Variants in MTR observed in about 807,000 individuals in gnomAD.
MTR encodes the protein 5-methyltetrahydrofolate-homocysteine methyltransferase, also known as methionine synthase.
A neutral mutation model predicts 154.8 loss-of-function variants in MTR; 84 were observed. The observed-to-expected ratio is 0.54, with a 90% CI of 0.45 to 0.65. MTR has a LOEUF of 0.65. Among genes scored for constraint, MTR ranks in the 30% least tolerant of loss-of-function variants. The pLI, the probability that MTR is intolerant of heterozygous loss-of-function variation, is 0.00. For synonymous variants in MTR, 554 were observed against 553.9 expected (o/e 1.00, Z 0.00); for missense variants, 1,275 against 1,570.2 (o/e 0.81, Z 3.18).
chr1:236,810,834 T>C (rs1661261672), intron 5 of MTR, among the ~76,000 whole-genome samples: 1 of 152,206 alleles, frequency 6.6e-6, no homozygotes, highest in South Asian at 2.1e-4. Flanking sequence ...GTGTTAATGC[T>C]GCTTTGTCAG....
At position 236,862,339 on chromosome 1, in the gene MTR, A is replaced by C; in HGVS notation, c.2300A>C (p.Glu767Ala). The change falls in exon 21 of 33, where the codon GAA becomes GCA. Residue 767 changes from glutamate (E) to alanine (A), a missense_variant. Coordinates refer to ENST00000366577, the MANE Select transcript of MTR (RefSeq NM_000254.3). ...AGAGTGCTTAACGGCACAGTAGAAG[A>C]AGAGGCAAGTCATTTTGTTCAGGCC... ...ETRVLNGTVE[E>A]EDPYQGTIVL... The C allele has an allele frequency of 1.9e-6, 3 of 1,612,544 alleles. No homozygotes were observed. The highest frequency in any genetic ancestry group is 8.5e-7 in the Non-Finnish European group (1 of 1,178,614).
chr1:236,893,266 A>G (rs1666432097), intron 29 of MTR, among the ~76,000 whole-genome samples: 1 of 152,180 alleles, frequency 6.6e-6, no homozygotes, highest in South Asian at 2.1e-4. Context: ...TGCCATTACC[A>G]AACACCTCCT....
intron 8 of MTR, among the ~76,000 whole-genome samples, chr1:236,817,363 C>T (rs749862767): frequency 3.9e-5 from 6 of 152,060 alleles, no homozygotes; most frequent in African/African-American, 7.2e-5. Flanking sequence ...CTTTAAGACT[C>T]ATCTCAAGAA....
intron 16 of MTR, 110 bp from the exon 17 acceptor site, chr1:236,852,411 C>T (rs376465557): frequency 3.4e-4 from 280 of 822,154 alleles, no homozygotes; most frequent in Middle Eastern, 9.6e-4. Flanking sequence ...CTTTGAACTT[C>T]GGATGCTTTT....
chr1:236,829,110 A>C (rs1352731970), intron 11 of MTR, 79 bp from the exon 12 acceptor site: 1 of 1,126,084 alleles, frequency 8.9e-7, no homozygotes, highest in Non-Finnish European at 1.3e-6. Flanking sequence ...TTTTATAGTT[A>C]AAATTAGTTT....
At chr1:236,882,473 C>T (rs968490836) in intron 25 of MTR, among the ~76,000 whole-genome samples, 5 of 150,454 alleles carry the variant, frequency 3.3e-5, no homozygotes, top group African/African-American at 1.2e-4. Context: ...TTACTGCAAC[C>T]TACGCCTCCC....
At chr1:236,817,413 G>T (rs1176653345) in intron 8 of MTR, among the ~76,000 whole-genome samples, 1 of 152,060 alleles carries the variant, frequency 6.6e-6, no homozygotes, top group Non-Finnish European at 1.5e-5. Context: ...ACTAGCGCAG[G>T]TCGATGTTCT....
chr1:236,810,660 A>T, intron 5 of MTR, 65 bp downstream of exon 5: 3 of 1,313,180 alleles, frequency 2.3e-6, no homozygotes, highest in Non-Finnish European at 3.3e-6. Context: ...AGTAAGCTAT[A>T]AATCTGTAAA....
At chr1:236,800,254 G>T in intron 1 of MTR, 2 of 985,364 alleles carry the variant, frequency 2.0e-6, no homozygotes, top group Non-Finnish European at 2.4e-6. Context: ...GATGCCAAAG[G>T]ACATACTTCA....
rs530906403 is a variant in MTR at position 236,898,377 on chromosome 1, A to C, written c.*733A>C. 2.5e-4 allele frequency: 37 copies of C among 145,442 alleles called. No homozygotes were observed. Among genetic ancestry groups the C allele is most frequent in the African/African-American group, 9.6e-4 (37 of 38,498 alleles). The allele number at this position is 145,442 out of a possible 1,614,324, so 9.0% of individuals were successfully genotyped here. A position where few individuals can be genotyped will look rare whatever the true frequency, so the allele number is the denominator to read the frequency against. On this transcript the variant is annotated 3_prime_UTR_variant, in exon 33 of 33. Transcript: ENST00000366577. ...AGAAAGTTACTGTTAAGGGTGGTTAACATTTTTTTTGTTTTGTTTTGTTTT... is the reference window on the plus strand; with the variant it reads ...AGAAAGTTACTGTTAAGGGTGGTTACCATTTTTTTTGTTTTGTTTTGTTTT...
chr1:236,874,698 CTT>C lies in MTR; in HGVS notation c.2474-19_2474-18del, dbSNP rs150727404. 0.041 allele frequency: 53,963 copies of C among 1,330,806 alleles called. 70 individuals are homozygous for C. Among genetic ancestry groups the C allele is most frequent in the East Asian group, 0.059 (2,045 of 34,808 alleles). 82.4% of individuals were successfully genotyped at this position (1,330,806 alleles called of 1,614,324 possible). The stretch of plus-strand genomic sequence containing the variant: ...CATCTTCCTCACTGTCCTTTTTGTC[CTT>C]TTTTTTTTAAAAAAAAAAAAAATAG... On this transcript the variant is annotated intron_variant, in intron 23 of 32. Coordinates refer to ENST00000366577, the MANE Select transcript of MTR (RefSeq NM_000254.3).
intron 15 of MTR, among the ~76,000 whole-genome samples, chr1:236,841,737 C>T (rs752310293): frequency 7.9e-5 from 12 of 151,418 alleles, no homozygotes; most frequent in African/African-American, 2.4e-4. Flanking sequence ...TGAAACCTTA[C>T]GTGTCAGAAA....
chr1:236,832,537 C>G (rs905677587), intron 13 of MTR, among the ~76,000 whole-genome samples: 2 of 152,154 alleles, frequency 1.3e-5, no homozygotes, highest in Non-Finnish European at 2.9e-5. Flanking sequence ...GAAATAGGCC[C>G]TTGCCTTGGA....
intron 24 of MTR, among the ~76,000 whole-genome samples, chr1:236,877,494 G>A (rs1031924806): frequency 9.2e-5 from 14 of 152,144 alleles, no homozygotes; most frequent in Non-Finnish European, 1.6e-4. Context: ...CTTTATATAA[G>A]TGGAGTCATA....
intron 1 of MTR, among the ~76,000 whole-genome samples, chr1:236,798,249 A>T (rs1369824538): frequency 2.6e-5 from 4 of 152,208 alleles, no homozygotes; most frequent in African/African-American, 7.2e-5. Flanking sequence ...GGGTCATTTT[A>T]CCTTCAGAGC....
intron 1 of MTR, among the ~76,000 whole-genome samples, chr1:236,799,481 A>G (rs1356653351): frequency 6.6e-6 from 1 of 152,116 alleles, no homozygotes; most frequent in Non-Finnish European, 1.5e-5. Context: ...AGGCTGCAAA[A>G]TTCCTGTGTT....
intron 11 of MTR, among the ~76,000 whole-genome samples, chr1:236,828,633 A>C (rs1662436415): frequency 6.6e-6 from 1 of 152,116 alleles, no homozygotes; most frequent in African/African-American, 2.4e-5. Flanking sequence ...ACAAATCTTT[A>C]AGAGTAATTA....
At chr1:236,838,295 C>A (rs1663023805) in intron 14 of MTR, 119 bp from the exon 15 acceptor site, 5 of 1,002,534 alleles carry the variant, frequency 5.0e-6, no homozygotes, top group Non-Finnish European at 7.7e-6. Context: ...CTCTGACATA[C>A]TACTATTTTT....
chr1:236,896,280 G>T (rs765318275), intron 31 of MTR, among the ~76,000 whole-genome samples: 2 of 152,096 alleles, frequency 1.3e-5, no homozygotes, highest in Admixed American at 1.3e-4. Context: ...AGTTTTCAGC[G>T]GAATTAATAA....
Sources: allele counts gnomAD v4.1 joint callset (sites outside exome capture counted in the v4.1 genomes callset), GRCh38; gene constraint gnomAD v4.1.1; transcripts MANE v1.5; gene names NCBI Gene and HGNC (gene_info 2026-07-23, HGNC 2026-07-21).